The following PELP1 variants were observed in gnomAD, a reference collection of about 807,000 sequenced individuals.
The protein encoded by PELP1 is proline, glutamate and leucine rich protein 1.
In PELP1, 32 loss-of-function variants were observed where a neutral mutation model predicts 95.5. The ratio of observed to expected loss-of-function variants is 0.34; its 90% CI spans 0.25 to 0.45. The LOEUF is 0.45. Among genes scored for constraint, PELP1 ranks in the 20% least tolerant of loss-of-function variants. The pLI is 1.00. For synonymous variants in PELP1, 668 were observed against 600.1 expected (o/e 1.11, Z -1.65); for missense variants, 1,358 against 1,444.8 (o/e 0.94, Z 0.97).
Position 4,675,658 on chromosome 17 carries a change from A to T in PELP1, c.1068+139T>A. The T allele has an allele frequency of 1.4e-6, 1 of 731,952 alleles. No individual in the cohort carries two copies. Among genetic ancestry groups the T allele is most frequent in the South Asian group, 1.5e-5 (1 of 67,106 alleles). 45.3% of individuals were successfully genotyped at this position (731,952 alleles called of 1,614,324 possible). On this transcript the variant is annotated intron_variant, in intron 9 of 16. Coordinates refer to ENST00000572293, the MANE Select transcript of PELP1 (RefSeq NM_014389.3). The surrounding 1 kb of genome is among the most constrained non-coding windows in gnomAD (Gnocchi z 4.3). Reference sequence around the variant, plus strand: ...CCTGTGTCACGACACATAGGAAGTGATGTTATTTGGACAAAAGTAGGAAGC... The same window carrying T: ...CCTGTGTCACGACACATAGGAAGTGTTGTTATTTGGACAAAAGTAGGAAGC...
chr17:4,700,254 G>T (rs1395013630), intron 1 of PELP1, among the ~76,000 whole-genome samples: 1 of 152,108 alleles, frequency 6.6e-6, no homozygotes. Context: ...CCAACAAAAA[G>T]AGAGGCCAGG....
chr17:4,675,896 C>G lies in PELP1; in HGVS notation c.981-12G>C. The G allele has an allele frequency of 1.3e-6, 2 of 1,587,398 alleles. No homozygotes were observed. The highest frequency in any genetic ancestry group is 2.3e-5 in the South Asian group (2 of 87,890). ...CTCCAAACTCAGAGCTAAAGAGAAT[C>G]AGAGCAGGGAGACCTTCAGAGCAGG... On this transcript the variant is annotated splice_polypyrimidine_tract_variant and intron_variant, in intron 8 of 16. Coordinates refer to ENST00000572293, the MANE Select transcript of PELP1 (RefSeq NM_014389.3). The surrounding 1 kb of genome is among the most constrained non-coding windows in gnomAD (Gnocchi z 4.3).
At chr17:4,688,045 G>A (rs1013225890) in intron 3 of PELP1, among the ~76,000 whole-genome samples, 25 of 152,002 alleles carry the variant, frequency 1.6e-4, no homozygotes, top group Non-Finnish European at 5.9e-5. Context: ...AGAAATAAAG[G>A]GCGTCTAGGC....
chr17:4,680,429 C>T (rs1173047601), intron 5 of PELP1, among the ~76,000 whole-genome samples: 1 of 152,148 alleles, frequency 6.6e-6, no homozygotes, highest in Non-Finnish European at 1.5e-5. Flanking sequence ...AGGCACACAC[C>T]GCCACGCCTG....
At position 4,675,598 on chromosome 17, in the gene PELP1, C is replaced by G. The variant is rs569566620; in HGVS notation, c.1068+199G>C. 1 of 710,282 alleles carries G rather than the reference C, an allele frequency of 1.4e-6. No homozygotes were observed. The highest frequency in any genetic ancestry group is 1.7e-5 in the African/African-American group (1 of 57,438). The allele number at this position is 710,282 out of a possible 1,614,324, so 44.0% of individuals were successfully genotyped here. ...AGCTGATCCCCAAATTCACCCTCCC[C>G]CAAGGAAGCATTTGCTACACTCTGA... On this transcript the variant is annotated intron_variant, in intron 9 of 16. Transcript: ENST00000572293. This position sits in a 1 kb window ranked among gnomAD's most constrained non-coding sequence, Gnocchi z 4.3.
intron 3 of PELP1, among the ~76,000 whole-genome samples, chr17:4,683,448 C>T (rs551740066): frequency 4.6e-5 from 7 of 150,814 alleles, no homozygotes; most frequent in East Asian, 2.0e-4. Context: ...TCTCGATCTC[C>T]GACCTCGTGA....
intron 3 of PELP1, among the ~76,000 whole-genome samples, chr17:4,686,096 C>A (rs1386665463): frequency 3.3e-5 from 5 of 151,640 alleles, no homozygotes; most frequent in African/African-American, 4.8e-5. Context: ...GACTCCACCT[C>A]AAAAAAAAGC....
rs369390570 is a variant in PELP1 at position 4,691,023 on chromosome 17, T to C, written c.315-30A>G. ...AAAGAAAGAAGAGAGTCATGTTAAG[T>C]GGGCGGAGGCTAGACTTCAGAGAAA... is the stretch of plus-strand genomic sequence containing the variant. On this transcript the variant is annotated intron_variant, in intron 2 of 16. Transcript: ENST00000572293. The C allele has an allele frequency of 3.2e-5, 48 of 1,499,208 alleles. 1 individual carries two copies. In the South Asian group the frequency reaches 3.8e-4, roughly 12 times the overall value. The allele number at this position is 1,499,208 out of a possible 1,614,324, so 92.9% of individuals were successfully genotyped here.
intron 5 of PELP1, among the ~76,000 whole-genome samples, chr17:4,678,199 G>A (rs1272471909): frequency 2.6e-5 from 4 of 151,904 alleles, no homozygotes; most frequent in Admixed American, 1.3e-4. Context: ...GGGTGACAGA[G>A]CAAGACTCTG....
At chr17:4,683,150 T>C (rs1186398747) in intron 3 of PELP1, 198 bp from the exon 4 acceptor site, 1 of 1,138,914 alleles carries the variant, frequency 8.8e-7, no homozygotes, top group Non-Finnish European at 1.1e-6. Context: ...TCTGGGGTCC[T>C]AGGAATTTGT....
chr17:4,674,932 C>G lies in PELP1; in HGVS notation c.1299G>C (p.Ala433=). The G allele has an allele frequency of 6.2e-7, 1 of 1,613,038 alleles. No individual in the cohort carries two copies. Among genetic ancestry groups the G allele is most frequent in the Non-Finnish European group, 8.5e-7 (1 of 1,179,298 alleles). Residue 433 remains alanine (A), a synonymous_variant, in exon 12 of 17, where the codon GCG becomes GCC. Coordinates refer to ENST00000572293, the MANE Select transcript of PELP1 (RefSeq NM_014389.3). The part of the protein sequence containing the change: ...PYSTVRTKVY[A]ILELWVQVCG... ...AAACCTGCACCCACAGCTCTAATAT[C>G]GCATACACCTTGGTCCGAACCGTGC...
chr17:4,699,993 C>G (rs1362579730), intron 1 of PELP1, among the ~76,000 whole-genome samples: 1 of 150,856 alleles, frequency 6.6e-6, no homozygotes, highest in Non-Finnish European at 1.5e-5. Flanking sequence ...ACCTCTGCCC[C>G]GAGTTCAAGC....
intron 1 of PELP1, among the ~76,000 whole-genome samples, chr17:4,696,996 GGC>G (rs1567668813): frequency 6.6e-6 from 1 of 152,134 alleles, no homozygotes; most frequent in Admixed American, 6.6e-5. Flanking sequence ...ATGCCAAATA[GGC>G]ACCGGCTAGA....
chr17:4,691,919 T>G, intron 1 of PELP1: 1 of 153,032 alleles, frequency 6.5e-6, no homozygotes, highest in East Asian at 1.9e-4. Context: ...ACAAGAATCC[T>G]CCTTCCAGTT....
Position 4,675,039 on chromosome 17 carries a change from C to CT in PELP1, c.1274+39dup, listed in dbSNP as rs1567661359. The CT allele has an allele frequency of 1.2e-6, 2 of 1,609,526 alleles. No individual in the cohort carries two copies. The highest frequency in any genetic ancestry group is 2.2e-5 in the South Asian group (2 of 90,966). On this transcript the variant is annotated intron_variant, in intron 11 of 16. Coordinates refer to ENST00000572293, the MANE Select transcript of PELP1 (RefSeq NM_014389.3). This position sits in a 1 kb window ranked among gnomAD's most constrained non-coding sequence, Gnocchi z 4.3. The stretch of plus-strand genomic sequence containing the variant: ...AGCCCACCTGCACCCCCTCACCCCC[C>CT]TCTCCTCTTTATTCCCTTCCTGCCT...
At chr17:4,698,758 T>C (rs930579557) in intron 1 of PELP1, among the ~76,000 whole-genome samples, 2 of 152,102 alleles carry the variant, frequency 1.3e-5, no homozygotes, top group Non-Finnish European at 2.9e-5. Flanking sequence ...TTATAATGGA[T>C]GCCTTTAGGA....
At chr17:4,702,011 C>T (rs1485930157) in intron 1 of PELP1, among the ~76,000 whole-genome samples, 2 of 152,116 alleles carry the variant, frequency 1.3e-5, no homozygotes, top group Non-Finnish European at 1.5e-5. Flanking sequence ...ATAAGCAAGA[C>T]GTTAAGTTCA....
In PELP1 at chr17:4,672,998, A is replaced by G; in HGVS notation, c.1993T>C (p.Phe665Leu). ...GAGGGCATGGGGCCCGGAGGATGGA[A>G]CGGTGGGGCCCTGAAGGGCGATGGG... ...EAPSPFRAPP[F>L]HPPGPMPSVG... is the part of the protein sequence containing the mutation. Residue 665 changes from phenylalanine to leucine, a missense_variant, in exon 16 of 17, where the codon TTC becomes CTC. Phe to Leu is a conservative substitution (Grantham distance 22). Around this residue, in one of 7 missense-constraint regions of PELP1, gnomAD observed 340 missense variants for 322.9 expected, o/e 1.05. Coordinates refer to ENST00000572293, the MANE Select transcript of PELP1 (RefSeq NM_014389.3). 6.4e-7 allele frequency: 1 copy of G among 1,556,788 alleles called. No homozygotes were observed. Among genetic ancestry groups the G allele is most frequent in the Non-Finnish European group, 8.7e-7 (1 of 1,152,510 alleles).
intron 1 of PELP1, among the ~76,000 whole-genome samples, chr17:4,698,380 G>A (rs1913378303): frequency 6.6e-6 from 1 of 151,632 alleles, no homozygotes; most frequent in Non-Finnish European, 1.5e-5. Context: ...GGTGGCTCAC[G>A]CCAGCACTTC....
Sources: allele counts gnomAD v4.1 joint callset (sites outside exome capture counted in the v4.1 genomes callset), GRCh38; gene constraint gnomAD v4.1.1; regional missense constraint gnomAD v4.1.1; non-coding constraint Gnocchi (gnomAD v3.1); transcripts MANE v1.5; gene names NCBI Gene and HGNC (gene_info 2026-07-23, HGNC 2026-07-21).